The following TCF4 variants were observed in gnomAD, a reference collection of about 807,000 sequenced individuals.
The protein encoded by TCF4 is transcription factor 4, also known as SL3-3 enhancer factor 2.
In TCF4, 3 loss-of-function variants were observed where a neutral mutation model predicts 82.1. The observed-to-expected ratio is 0.04, with a 90% CI of 0.02 to 0.09. The LOEUF (loss-of-function observed/expected upper bound fraction) is 0.09, where lower values mean the gene tolerates loss of function less well. Among genes scored for constraint, TCF4 ranks in the 10% least tolerant of loss-of-function variants. TCF4 has a pLI of 1.00. For missense variants in TCF4, 518 were observed against 852.7 expected, an observed-to-expected ratio of 0.61 and a Z score of 4.89; for synonymous variants, 276 against 309.6, an observed-to-expected ratio of 0.89 and a Z score of 1.14.
chr18:55,298,769 G>A (rs1185580102), intron 8 of TCF4, among the ~76,000 whole-genome samples: 3 of 151,996 alleles, frequency 2.0e-5, no homozygotes, highest in Non-Finnish European at 2.9e-5. Context: ...ATTGTATGAA[G>A]ATTATGAAAT....
At chr18:55,356,412 C>A (rs1310480634) in intron 6 of TCF4, among the ~76,000 whole-genome samples, 1 of 152,102 alleles carries the variant, frequency 6.6e-6, no homozygotes, top group Middle Eastern at 3.2e-3. Context: ...AATTGCCCAA[C>A]AATCTTCATA....
chr18:55,366,771 T>C (rs1009103883), intron 6 of TCF4, among the ~76,000 whole-genome samples: 1 of 152,218 alleles, frequency 6.6e-6, no homozygotes, highest in African/African-American at 2.4e-5. Context: ...CATTTTACTT[T>C]ATTGTTTGCC....
rs1539950 is a variant in TCF4, at chr18:55,254,375, C to T, written c.1350+122G>A. ...AATTGTACACCTGAAATGGGCTCAT[C>T]GTATGTTAAGTGAATTATATCTCAA... On this transcript the variant is annotated intron_variant, in intron 15 of 19. Transcript: ENST00000354452. 243,264 of 909,596 alleles carry T rather than the reference C, an allele frequency of 0.27. 33,617 individuals carry two copies. Among genetic ancestry groups the T allele is most frequent in the East Asian group, 0.29 (11,103 of 37,922 alleles). 56.3% of individuals were successfully genotyped at this position (909,596 alleles called of 1,614,324 possible).
At chr18:55,567,310 T>G (rs913036117) in intron 3 of TCF4, among the ~76,000 whole-genome samples, 1 of 152,316 alleles carries the variant, frequency 6.6e-6, no homozygotes, top group East Asian at 1.9e-4. Flanking sequence ...AATGAATGCA[T>G]GTAATAATAT....
chr18:55,259,896 G>A, intron 13 of TCF4, 53 bp downstream of exon 13: 1 of 1,453,448 alleles, frequency 6.9e-7, no homozygotes, highest in South Asian at 1.1e-5. Flanking sequence ...GTACAAGGGG[G>A]GAATCATTCT....
intron 15 of TCF4, among the ~76,000 whole-genome samples, chr18:55,246,432 A>G (rs2053211116): frequency 6.6e-6 from 1 of 152,150 alleles, no homozygotes; most frequent in South Asian, 2.1e-4. Context: ...AACATCATAG[A>G]GTCTGAATTT....
chr18:55,354,131 C>A (rs1369574577), intron 6 of TCF4, among the ~76,000 whole-genome samples: 2 of 152,150 alleles, frequency 1.3e-5, no homozygotes, highest in Non-Finnish European at 2.9e-5. Flanking sequence ...AGCCCTTCCC[C>A]TTACTCGCTC....
chr18:55,370,450 T>C (rs1032604902), intron 6 of TCF4, among the ~76,000 whole-genome samples: 4 of 151,592 alleles, frequency 2.6e-5, no homozygotes, highest in African/African-American at 9.7e-5. Flanking sequence ...GATAGATAGA[T>C]AGATAGATAG....
chr18:55,526,552 C>T (rs193095896), intron 3 of TCF4, among the ~76,000 whole-genome samples: 1 of 152,246 alleles, frequency 6.6e-6, no homozygotes, highest in Admixed American at 6.5e-5. Context: ...ACCTCTGACA[C>T]CACATGGGGC....
At chr18:55,269,613 G>A (rs2059920646) in intron 11 of TCF4, 6 of 606,846 alleles carry the variant, frequency 9.9e-6, no homozygotes, top group African/African-American at 3.7e-5. Context: ...GACTTGCAAC[G>A]TAGAACGTAG....
At chr18:55,617,730 G>T in intron 2 of TCF4, among the ~76,000 whole-genome samples, 1 of 150,576 alleles carries the variant, frequency 6.6e-6, no homozygotes, top group Non-Finnish European at 1.5e-5. Context: ...TTTTTTGGTA[G>T]TTTGTTACTG....
chr18:55,589,832 G>T, upstream of TCF4: 1 of 1,004,992 alleles, frequency 1.0e-6, no homozygotes, highest in Non-Finnish European at 1.2e-6. Context: ...GGCCGCGGCT[G>T]CTCCTCCAGA....
At chr18:55,494,405 A>G (rs1411217564) in intron 3 of TCF4, among the ~76,000 whole-genome samples, 1 of 152,014 alleles carries the variant, frequency 6.6e-6, no homozygotes, top group Non-Finnish European at 1.5e-5. Flanking sequence ...CTAAATAGAG[A>G]GTCTTTTAAG....
chr18:55,618,816 G>A (rs894041238), intron 2 of TCF4, among the ~76,000 whole-genome samples: 2 of 151,586 alleles, frequency 1.3e-5, no homozygotes, highest in Admixed American at 1.3e-4. Flanking sequence ...CAGACTCCTG[G>A]GCTCAGGCTA....
intron 3 of TCF4, among the ~76,000 whole-genome samples, chr18:55,537,373 T>C (rs2097126196): frequency 6.6e-6 from 1 of 151,838 alleles, no homozygotes; most frequent in Non-Finnish European, 1.5e-5. Context: ...GCAGATTGCT[T>C]GAGCTCAGGA....
intron 6 of TCF4, among the ~76,000 whole-genome samples, chr18:55,366,671 T>C (rs1036344067): frequency 2.6e-5 from 4 of 152,352 alleles, no homozygotes; most frequent in Middle Eastern, 3.4e-3. Context: ...CTTAGAATAT[T>C]TGCACCCAGC....
Position 55,633,834 on chromosome 18 carries a change from T to C in TCF4, c.195+1869A>G, listed in dbSNP as rs191785427. Among the ~76,000 whole-genome samples the C allele has an allele frequency of 6.6e-5, 10 of 152,040 alleles. No homozygotes were observed. Among genetic ancestry groups the C allele is most frequent in the Admixed American group, 2.6e-4 (4 of 15,278 alleles). On this transcript the variant is annotated intron_variant, in intron 1 of 20. Transcript: ENST00000398339. The surrounding 1 kb of genome is among the most constrained non-coding windows in gnomAD (Gnocchi z 4.0). ...GTTTGTCAACCCTTGATATAGAGCA[T>C]AGCCAGGAGAAACAGCTGTATACAA... is the stretch of plus-strand genomic sequence containing the variant.
chr18:55,618,171 A>G (rs1257070843), intron 2 of TCF4, among the ~76,000 whole-genome samples: 1 of 152,154 alleles, frequency 6.6e-6, no homozygotes, highest in African/African-American at 2.4e-5. Flanking sequence ...TTATATTACA[A>G]AAGTTTTGAA....
intron 6 of TCF4, among the ~76,000 whole-genome samples, chr18:55,368,980 C>A (rs923829639): frequency 2.0e-5 from 3 of 152,128 alleles, no homozygotes; most frequent in Non-Finnish European, 4.4e-5. Context: ...GTTAGAGATG[C>A]TTCTGAAATA....
Sources: allele counts gnomAD v4.1 joint callset (sites outside exome capture counted in the v4.1 genomes callset), GRCh38; gene constraint gnomAD v4.1.1; non-coding constraint Gnocchi (gnomAD v3.1); transcripts MANE v1.5; gene names NCBI Gene and HGNC (gene_info 2026-07-23, HGNC 2026-07-21).